PDPR: variants seen among roughly 807,000 people sequenced by gnomAD.
PDPR encodes the protein pyruvate dehydrogenase phosphatase regulatory subunit, mitochondrial.
Under a neutral mutation model 102.2 loss-of-function variants are expected in PDPR, and 50 were observed. That is an observed-to-expected ratio of 0.49 (90% CI 0.39 to 0.62). The LOEUF (loss-of-function observed/expected upper bound fraction) is 0.62, where lower values mean the gene tolerates loss of function less well. Ranked by LOEUF, PDPR falls within the 20% of genes least tolerant of loss-of-function variation. PDPR has a pLI of 0.00. For synonymous variants in PDPR, 259 were observed against 406.0 expected, an observed-to-expected ratio of 0.64 and a Z score of 4.35; for missense variants, 625 against 1,098.2, an observed-to-expected ratio of 0.57 and a Z score of 6.09.
chr16:70,151,314 T>C (rs1345352316), intron 17 of PDPR, among the ~76,000 whole-genome samples: 1 of 152,240 alleles, frequency 6.6e-6, no homozygotes, highest in African/African-American at 2.4e-5. Flanking sequence ...AATGATCCTC[T>C]CATCTCAGCC....
At chr16:70,148,317 C>T in intron 16 of PDPR, 147 bp from the exon 17 acceptor site, 1 of 718,402 alleles carries the variant, frequency 1.4e-6, no homozygotes, top group Non-Finnish European at 2.5e-6. Context: ...TGGAAGTTAA[C>T]CACTTTCGGG....
intron 18 of PDPR, among the ~76,000 whole-genome samples, chr16:70,154,035 C>T (rs58878452): frequency 0.024 from 3,521 of 149,344 alleles, no homozygotes; most frequent in Middle Eastern, 0.041. Context: ...AAAAATTAGC[C>T]GGGTGTGGTT....
intron 2 of PDPR, among the ~76,000 whole-genome samples, chr16:70,115,685 G>A (rs992418744): frequency 6.6e-6 from 1 of 152,170 alleles, no homozygotes; most frequent in African/African-American, 2.4e-5. Context: ...GTTAGAACTA[G>A]CACCTTGGTC....
chr16:70,147,905 C>T (rs1211090068), intron 16 of PDPR, among the ~76,000 whole-genome samples: 1 of 152,226 alleles, frequency 6.6e-6, no homozygotes, highest in African/African-American at 2.4e-5. Context: ...CGGTTCACTT[C>T]GGTGCTGTCC....
intron 2 of PDPR, among the ~76,000 whole-genome samples, chr16:70,117,631 C>T (rs1216594150): frequency 1.3e-5 from 2 of 152,112 alleles, no homozygotes; most frequent in Non-Finnish European, 2.9e-5. Context: ...AACCTGGAGC[C>T]GAATAGAACA....
intron 2 of PDPR, among the ~76,000 whole-genome samples, chr16:70,119,404 C>T (rs1229986441): frequency 1.3e-5 from 2 of 151,414 alleles, no homozygotes; most frequent in African/African-American, 4.9e-5. Flanking sequence ...GCTAGTGATA[C>T]TCCCGCATGA....
chr16:70,114,288 G>A (rs1331612168), upstream of PDPR: 2 of 152,182 alleles, frequency 1.3e-5, no homozygotes, highest in Non-Finnish European at 2.9e-5. Flanking sequence ...TCGCGGTCTC[G>A]GCTTCCCCGG....
intron 2 of PDPR, among the ~76,000 whole-genome samples, chr16:70,115,417 C>T (rs1423751410): frequency 6.6e-6 from 1 of 152,200 alleles, no homozygotes; most frequent in Non-Finnish European, 1.5e-5. Context: ...CCACTGCGCT[C>T]GGCCAACTTG....
At chr16:70,153,595 C>T in intron 18 of PDPR, 22 bp downstream of exon 18, 1 of 1,572,560 alleles carries the variant, frequency 6.4e-7, no homozygotes, top group Non-Finnish European at 8.6e-7. Context: ...ACCCAGACTC[C>T]ACTTTCACTC....
chr16:70,156,948 C>T lies in PDPR; in HGVS notation c.*69C>T. On this transcript the variant is annotated 3_prime_UTR_variant, in exon 19 of 19. Transcript: ENST00000288050. Reference sequence around the variant, plus strand: ...GAGTGGGCGTCACCTTGGAGCTTCTCTTCCTTCCGCCTCTGTTCCTCTTCT... The same window carrying T: ...GAGTGGGCGTCACCTTGGAGCTTCTTTTCCTTCCGCCTCTGTTCCTCTTCT... 6.4e-7 allele frequency: 1 copy of T among 1,556,918 alleles called. No homozygotes were observed. Among genetic ancestry groups the T allele is most frequent in the South Asian group, 1.2e-5 (1 of 85,536 alleles).
chr16:70,137,854 C>G (rs1160127999), intron 10 of PDPR, among the ~76,000 whole-genome samples: 1 of 152,256 alleles, frequency 6.6e-6, no homozygotes. Flanking sequence ...GTGTTTTAGT[C>G]TTATTTCTTC....
intron 2 of PDPR, among the ~76,000 whole-genome samples, chr16:70,116,274 A>G (rs1485829758): frequency 2.9e-5 from 4 of 138,092 alleles, no homozygotes; most frequent in Non-Finnish European, 6.4e-5. Context: ...ACGGGGTTTC[A>G]CCATGCTGAT....
At position 70,160,336 on chromosome 16, in the gene PDPR, C is replaced by G. The variant is rs1039169254; in HGVS notation, c.*3457C>G. ...TCTGAAGAGCAAAAAGGGACAAACA[C>G]TAACTGCTGAGCTGGGCCATTTGAT... On this transcript the variant is annotated 3_prime_UTR_variant, in exon 19 of 19. Coordinates refer to ENST00000288050, the MANE Select transcript of PDPR (RefSeq NM_017990.5). 6.5e-6 allele frequency: 1 copy of G among 152,920 alleles called. No individual in the cohort carries two copies. The allele number at this position is 152,920 out of a possible 1,614,324, so 9.5% of individuals were successfully genotyped here. A position where few individuals can be genotyped will look rare whatever the true frequency, so the allele number is the denominator to read the frequency against.
chr16:70,128,551 A>G (rs1353551537), intron 4 of PDPR, among the ~76,000 whole-genome samples: 4 of 152,358 alleles, frequency 2.6e-5, no homozygotes, highest in South Asian at 2.1e-4. Flanking sequence ...GATCCTCACA[A>G]CCTCACAAAA....
In PDPR at chr16:70,156,705, G is replaced by T. The variant is rs750972702; in HGVS notation, c.2466G>T (p.Glu822Asp). ...TGGGCTTTGTGCACAATTTTTCTGAGGACACGGGGGAAGAGCAAGTGGTGA... is the reference window on the plus strand; with the variant it reads ...TGGGCTTTGTGCACAATTTTTCTGATGACACGGGGGAAGAGCAAGTGGTGA... ...VCLGFVHNFS[E>D]DTGEEQVVTA... Residue 822 changes from glutamate (E) to aspartate (D), a missense_variant, in exon 19 of 19, where the codon GAG becomes GAT. Around this residue, in one of 11 missense-constraint regions of PDPR, gnomAD observed 303 missense variants for 258.9 expected, o/e 1.17. Transcript: ENST00000288050. 6.2e-7 allele frequency: 1 copy of T among 1,614,002 alleles called. No homozygotes were observed.
At position 70,158,652 on chromosome 16, in the gene PDPR, T is replaced by G. The variant is rs1456003549; in HGVS notation, c.*1773T>G. ...TAGTTGTCTTGGAGCAAGTATGTACTTAACTAGCCGAGAGATGCTGCCTCT... is the reference window on the plus strand; with the variant it reads ...TAGTTGTCTTGGAGCAAGTATGTACGTAACTAGCCGAGAGATGCTGCCTCT... On this transcript the variant is annotated 3_prime_UTR_variant, in exon 19 of 19. Transcript: ENST00000288050. 2 of 152,736 alleles carry G rather than the reference T, an allele frequency of 1.3e-5. No homozygotes were observed. Among genetic ancestry groups the G allele is most frequent in the Non-Finnish European group, 2.9e-5 (2 of 68,438 alleles). 9.5% of individuals were successfully genotyped at this position (152,736 alleles called of 1,614,324 possible).
At chr16:70,143,470 C>G (rs777516613) in intron 13 of PDPR, 40 bp from the exon 14 acceptor site, 33 of 1,607,440 alleles carry the variant, frequency 2.1e-5, no homozygotes, top group Non-Finnish European at 2.2e-5. Flanking sequence ...GCCAGGTGCT[C>G]TCACGCTCAC....
intron 6 of PDPR, among the ~76,000 whole-genome samples, chr16:70,129,988 G>A (rs1567531631): frequency 1.3e-5 from 2 of 152,208 alleles, no homozygotes; most frequent in African/African-American, 4.8e-5. Flanking sequence ...AGGGTTTTGT[G>A]TTTTTTTTAA....
rs974035276 is a variant in PDPR, at chr16:70,144,656, G to A, written c.1867+123G>A. 3 of 590,378 alleles carry A rather than the reference G, an allele frequency of 5.1e-6. No homozygotes were observed. In the African/African-American group the frequency reaches 5.7e-5, roughly 11 times the overall value. The allele number at this position is 590,378 out of a possible 1,614,324, so 36.6% of individuals were successfully genotyped here. A position where few individuals can be genotyped will look rare whatever the true frequency, so the allele number is the denominator to read the frequency against. On this transcript the variant is annotated intron_variant, in intron 15 of 18. Coordinates refer to ENST00000288050, the MANE Select transcript of PDPR (RefSeq NM_017990.5). ...GAGTTAGCATAAAAGAGGCTCTCTG[G>A]TCATAGAAAATTGATCTCTAGGGGA...
Sources: gnomAD v4.1 joint callset for allele counts (sites outside exome capture counted in the v4.1 genomes callset) on GRCh38, gnomAD v4.1.1 for gene constraint, gnomAD v4.1.1 regional missense constraint, MANE v1.5 for transcripts, NCBI Gene and HGNC (gene_info 2026-07-23, HGNC 2026-07-21) for gene names.